Variants in FAM241A observed in about 807,000 individuals in gnomAD.
FAM241A encodes the protein family with sequence similarity 241 member A, also known as uncharacterized protein FAM241A.
A neutral mutation model predicts 12.2 loss-of-function variants in FAM241A; 7 were observed. The observed-to-expected ratio is 0.58, with a 90% confidence interval of 0.33 to 1.08. The LOEUF (loss-of-function observed/expected upper bound fraction) is 1.08, where lower values mean the gene tolerates loss of function less well. Among genes scored for constraint, FAM241A ranks in the 50% least tolerant of loss-of-function variants. The pLI is 0.04. For synonymous variants in FAM241A, 74 were observed against 68.2 expected, an observed-to-expected ratio of 1.08 and a Z score of -0.42; for missense variants, 161 against 169.7, an observed-to-expected ratio of 0.95 and a Z score of 0.29.
intron 1 of FAM241A, among the ~76,000 whole-genome samples, chr4:112,160,765 A>G (rs1723448125): frequency 6.6e-6 from 1 of 152,222 alleles, no homozygotes; most frequent in South Asian, 2.1e-4. Flanking sequence ...ACCTATAGTG[A>G]TCACATTTTT....
At position 112,187,860 on chromosome 4, in the gene FAM241A, T is replaced by C. The variant is rs1286044191; in HGVS notation, c.*922T>C. ...ATTTCCTATCTTGACATGGATTTTTTCACAAAAAATTTGTATTTTACTGTT... is the reference window on the plus strand; with the variant it reads ...ATTTCCTATCTTGACATGGATTTTTCCACAAAAAATTTGTATTTTACTGTT... On this transcript the variant is annotated 3_prime_UTR_variant, in exon 2 of 2. Transcript: ENST00000309733. The C allele has an allele frequency of 6.6e-6, 1 of 152,324 alleles. No individual in the cohort carries two copies. The highest frequency in any genetic ancestry group is 1.5e-5 in the Non-Finnish European group (1 of 67,966). 9.4% of individuals were successfully genotyped at this position (152,324 alleles called of 1,614,324 possible).
At chr4:112,176,583 CTG>C (rs1723827322) in intron 1 of FAM241A, among the ~76,000 whole-genome samples, 1 of 152,158 alleles carries the variant, frequency 6.6e-6, no homozygotes, top group Admixed American at 6.5e-5. Context: ...AAGTAAGAGA[CTG>C]TGCTTTAATT....
rs1482040721 is a variant in FAM241A, at chr4:112,191,937, A to C, written c.*4999A>C. ...TGCCTAACACAATGCCTGGGACATA[A>C]TAGGCCATCAAAATATTTATCAAGT... On this transcript the variant is annotated 3_prime_UTR_variant, in exon 2 of 2. Transcript: ENST00000309733. The C allele has an allele frequency of 2.6e-5, 4 of 152,160 alleles. No homozygotes were observed. The highest frequency in any genetic ancestry group is 5.9e-5 in the Non-Finnish European group (4 of 68,032). 9.4% of individuals were successfully genotyped at this position (152,160 alleles called of 1,614,324 possible). A position where few individuals can be genotyped will look rare whatever the true frequency, so the allele number is the denominator to read the frequency against.
intron 1 of FAM241A, among the ~76,000 whole-genome samples, chr4:112,173,570 A>T (rs947209277): frequency 6.6e-6 from 1 of 152,226 alleles, no homozygotes; most frequent in African/African-American, 2.4e-5. Context: ...AAAGGGAGCC[A>T]TTTTAAAATT....
At position 112,194,513 on chromosome 4, in the gene FAM241A, G is replaced by A. The variant is rs556333724; in HGVS notation, c.*7575G>A. The A allele has an allele frequency of 3.3e-5, 5 of 151,900 alleles. No individual in the cohort carries two copies. The East Asian group carries it at 9.7e-4, about 30-fold the overall frequency. The allele number at this position is 151,900 out of a possible 1,614,324, so 9.4% of individuals were successfully genotyped here. On this transcript the variant is annotated 3_prime_UTR_variant, in exon 2 of 2. Transcript: ENST00000309733. ...TCATAGATAGCTCTTATTATTTTGA[G>A]ATACGTCCCATCAATACCTGATTTA...
At chr4:112,173,432 G>C (rs1723762651) in intron 1 of FAM241A, among the ~76,000 whole-genome samples, 1 of 152,108 alleles carries the variant, frequency 6.6e-6, no homozygotes, top group East Asian at 1.9e-4. Flanking sequence ...TTGGGTTTCT[G>C]GTTAACTTTC....
At chr4:112,146,252 C>A (rs1199292504) in intron 1 of FAM241A, among the ~76,000 whole-genome samples, 1 of 152,076 alleles carries the variant, frequency 6.6e-6, no homozygotes, top group Non-Finnish European at 1.5e-5. Context: ...GCGGGTGTTA[C>A]AATGAATGTC....
At chr4:112,159,642 ATG>A (rs3048656) in intron 1 of FAM241A, among the ~76,000 whole-genome samples, 22,663 of 152,070 alleles carry the variant, frequency 0.15, 2,021 homozygotes, top group East Asian at 0.39. Flanking sequence ...AAATCAATCA[ATG>A]TGATGTATCA....
intron 1 of FAM241A, among the ~76,000 whole-genome samples, chr4:112,156,548 G>A (rs933978719): frequency 1.3e-5 from 2 of 152,108 alleles, no homozygotes; most frequent in Non-Finnish European, 2.9e-5. Context: ...AAAATTATTT[G>A]GGCATCTCTG....
intron 1 of FAM241A, among the ~76,000 whole-genome samples, chr4:112,165,595 CTT>C (rs1723578015): frequency 6.6e-6 from 1 of 152,200 alleles, no homozygotes; most frequent in Admixed American, 6.5e-5. Flanking sequence ...GAGGTCCTGT[CTT>C]TTGCAACAAC....
chr4:112,173,114 C>G (rs567307385), intron 1 of FAM241A, among the ~76,000 whole-genome samples: 23 of 152,246 alleles, frequency 1.5e-4, no homozygotes, highest in African/African-American at 5.3e-4. Context: ...GTCTTGCACT[C>G]CTGAACTCAA....
intron 1 of FAM241A, among the ~76,000 whole-genome samples, chr4:112,181,143 G>T (rs1055542769): frequency 6.6e-6 from 1 of 152,148 alleles, no homozygotes; most frequent in East Asian, 1.9e-4. Context: ...TGAGTAGGTA[G>T]AATTCACTTC....
chr4:112,174,508 T>C (rs1226282459), intron 1 of FAM241A, among the ~76,000 whole-genome samples: 1 of 152,232 alleles, frequency 6.6e-6, no homozygotes, highest in Non-Finnish European at 1.5e-5. Flanking sequence ...GGGCTAAGTT[T>C]GTTGTTGAAA....
intron 1 of FAM241A, among the ~76,000 whole-genome samples, chr4:112,166,078 G>T (rs1475958859): frequency 2.1e-5 from 3 of 142,364 alleles, no homozygotes; most frequent in African/African-American, 8.0e-5. Flanking sequence ...ACAGAGTCTC[G>T]CTCTGTCGCC....
At chr4:112,162,845 A>G (rs183760947) in intron 1 of FAM241A, among the ~76,000 whole-genome samples, 266 of 152,356 alleles carry the variant, frequency 1.7e-3, no homozygotes, top group Middle Eastern at 3.4e-3. Context: ...AAGAGCCCGC[A>G]TTGCCAAGAC....
At chr4:112,147,407 T>C (rs1166049072) in intron 1 of FAM241A, among the ~76,000 whole-genome samples, 1 of 152,196 alleles carries the variant, frequency 6.6e-6, no homozygotes, top group African/African-American at 2.4e-5. Flanking sequence ...CCTACTACAT[T>C]AGCACCAAAG....
chr4:112,159,418 C>T (rs1400413020), intron 1 of FAM241A, among the ~76,000 whole-genome samples: 1 of 152,096 alleles, frequency 6.6e-6, no homozygotes, highest in African/African-American at 2.4e-5. Context: ...TTTCAGTTAG[C>T]AAATTTCCTC....
intron 1 of FAM241A, among the ~76,000 whole-genome samples, chr4:112,152,248 C>T (rs1159861619): frequency 6.6e-6 from 1 of 152,082 alleles, no homozygotes; most frequent in Non-Finnish European, 1.5e-5. Flanking sequence ...TTTTTTATTG[C>T]TGAAACTAAG....
At chr4:112,176,664 T>G (rs1211001990) in intron 1 of FAM241A, among the ~76,000 whole-genome samples, 1 of 152,232 alleles carries the variant, frequency 6.6e-6, no homozygotes, top group Non-Finnish European at 1.5e-5. Context: ...TCATCATTAA[T>G]TTGGGGTATC....
Sources: gnomAD v4.1 joint callset for allele counts (sites outside exome capture counted in the v4.1 genomes callset) on GRCh38, gnomAD v4.1.1 for gene constraint, MANE v1.5 for transcripts, NCBI Gene and HGNC (gene_info 2026-07-23, HGNC 2026-07-21) for gene names.